The following NCK2 variants were observed in gnomAD, a reference collection of about 807,000 sequenced individuals.
NCK2 encodes the protein NCK adaptor protein 2, also known as cytoplasmic protein NCK2.
In NCK2, 16 loss-of-function variants were observed where a neutral mutation model predicts 33.9. The observed-to-expected ratio is 0.47, with a 90% CI of 0.32 to 0.72. The LOEUF (loss-of-function observed/expected upper bound fraction) is 0.72, where lower values mean the gene tolerates loss of function less well. Ranked by LOEUF, NCK2 falls within the 30% of genes least tolerant of loss-of-function variation. The pLI, the probability that NCK2 is intolerant of heterozygous loss-of-function variation, is 0.03. For missense variants in NCK2, 418 were observed against 537.3 expected (o/e 0.78, Z 2.19); for synonymous variants, 273 against 239.9 (o/e 1.14, Z -1.27).
intron 4 of NCK2, among the ~76,000 whole-genome samples, chr2:105,883,470 T>C (rs1649329133): frequency 6.6e-6 from 1 of 152,224 alleles, no homozygotes; most frequent in Non-Finnish European, 1.5e-5. Context: ...AGGAGACTTC[T>C]CAGAAGGAAG....
At chr2:105,815,926 A>G (rs1219901880) in intron 1 of NCK2, among the ~76,000 whole-genome samples, 2 of 152,064 alleles carry the variant, frequency 1.3e-5, no homozygotes, top group African/African-American at 4.8e-5. Flanking sequence ...TCTGGAAGAG[A>G]CTGGGAGCTC....
intron 2 of NCK2, among the ~76,000 whole-genome samples, chr2:105,826,068 A>G (rs1242200284): frequency 6.6e-6 from 1 of 152,234 alleles, no homozygotes; most frequent in African/African-American, 2.4e-5. Flanking sequence ...ATAAAGAACT[A>G]TGCGAGACTG....
intron 1 of NCK2, among the ~76,000 whole-genome samples, chr2:105,776,045 G>A (rs529819574): frequency 6.6e-6 from 1 of 152,336 alleles, no homozygotes; most frequent in South Asian, 2.1e-4. Context: ...CTTGTATTTT[G>A]GTTTGGCCCA....
At chr2:105,867,591 A>G (rs943887075) in intron 3 of NCK2, among the ~76,000 whole-genome samples, 2 of 152,168 alleles carry the variant, frequency 1.3e-5, no homozygotes, top group African/African-American at 4.8e-5. Context: ...AGACCCTGGG[A>G]AGTGAAGGTG....
chr2:105,861,435 A>G (rs1366478712), intron 3 of NCK2, among the ~76,000 whole-genome samples: 1 of 152,112 alleles, frequency 6.6e-6, no homozygotes, highest in Non-Finnish European at 1.5e-5. Context: ...TGCTGGATCC[A>G]GGAGCCAAGT....
At chr2:105,821,175 CT>C (rs1293625311) in intron 2 of NCK2, among the ~76,000 whole-genome samples, 1 of 152,212 alleles carries the variant, frequency 6.6e-6, no homozygotes, top group Non-Finnish European at 1.5e-5. Context: ...GAAAAGTCAT[CT>C]GGAATTTACT....
At chr2:105,830,801 AT>A (rs879638421) in intron 2 of NCK2, among the ~76,000 whole-genome samples, 15 of 150,166 alleles carry the variant, frequency 1.0e-4, no homozygotes, top group Admixed American at 9.3e-4. Flanking sequence ...GATATTGAGC[AT>A]TTTTTTTGCT....
chr2:105,873,727 G>T lies in NCK2; in HGVS notation c.227-7601G>T, dbSNP rs144388887. 2.1e-3 allele frequency among the ~76,000 whole-genome samples: 321 copies of T among 152,270 alleles called. 1 individual carries two copies. The highest frequency in any genetic ancestry group is 6.7e-3 in the African/African-American group (280 of 41,542). On this transcript the variant is annotated intron_variant, in intron 3 of 4. Coordinates refer to ENST00000233154, the MANE Select transcript of NCK2 (RefSeq NM_003581.5). ...CAAAAGTAACTGAAGGGGAAAAAAA[G>T]AAAACGAAAAGTTGGCTCAGATGAT...
At chr2:105,841,005 G>C (rs149159879) in intron 2 of NCK2, among the ~76,000 whole-genome samples, 1 of 152,332 alleles carries the variant, frequency 6.6e-6, no homozygotes, top group Non-Finnish European at 1.5e-5. Context: ...CTTTAGGTCA[G>C]TAATTGAGGT....
intron 1 of NCK2, among the ~76,000 whole-genome samples, chr2:105,785,703 C>T (rs888771765): frequency 1.3e-5 from 2 of 152,112 alleles, no homozygotes; most frequent in South Asian, 2.1e-4. Context: ...GCAGCCCTGC[C>T]GAGGTTAAGT....
chr2:105,844,579 A>C (rs4438504), intron 2 of NCK2, among the ~76,000 whole-genome samples: 42,613 of 147,940 alleles, frequency 0.29, 6,750 homozygotes, highest in South Asian at 0.4. Context: ...AAAAACAAAA[A>C]AAAAAAAAAA....
chr2:105,891,047 A>G (rs1431360557), intron 4 of NCK2, among the ~76,000 whole-genome samples: 2 of 152,226 alleles, frequency 1.3e-5, no homozygotes, highest in African/African-American at 4.8e-5. Flanking sequence ...TGTCCGAGGT[A>G]CCAGCCCTGC....
At chr2:105,887,392 G>A (rs1678761722) in intron 4 of NCK2, among the ~76,000 whole-genome samples, 1 of 152,168 alleles carries the variant, frequency 6.6e-6, no homozygotes, top group African/African-American at 2.4e-5. Context: ...AACCAACAGG[G>A]TGACCTCTCT....
chr2:105,814,533 TC>T (rs1355789919), intron 1 of NCK2, among the ~76,000 whole-genome samples: 5 of 152,200 alleles, frequency 3.3e-5, no homozygotes, highest in African/African-American at 1.2e-4. Flanking sequence ...AGCTCATTGT[TC>T]TTTTGCGGGG....
chr2:105,824,678 C>T (rs72825182), intron 2 of NCK2, among the ~76,000 whole-genome samples: 318 of 152,274 alleles, frequency 2.1e-3, no homozygotes, highest in Non-Finnish European at 3.5e-3. Flanking sequence ...GGGGCGTGCT[C>T]ATGTGTGGGT....
rs565227175 is a variant in NCK2, at chr2:105,750,680, AAG to A, written c.-201+5550_-201+5551del. 2.5e-3 allele frequency among the ~76,000 whole-genome samples: 381 copies of A among 152,358 alleles called. 1 individual carries two copies. The highest frequency in any genetic ancestry group is 8.3e-3 in the African/African-American group (346 of 41,582). On this transcript the variant is annotated intron_variant, in intron 1 of 4. Coordinates refer to ENST00000233154, the MANE Select transcript of NCK2 (RefSeq NM_003581.5). ...GGAAAGGTTTTAAGTAGAGTGATTG[AAG>A]AGAGAGAAAAATCTTGACTTGATTT...
intron 1 of NCK2, among the ~76,000 whole-genome samples, chr2:105,766,868 GC>G (rs1689965689): frequency 1.3e-5 from 2 of 152,186 alleles, no homozygotes; most frequent in African/African-American, 4.8e-5. Flanking sequence ...TAATATTTAA[GC>G]CATCAAATTA....
chr2:105,881,143 G>C (rs1025881896), intron 3 of NCK2, among the ~76,000 whole-genome samples, 185 bp from the exon 4 acceptor site: 9 of 152,016 alleles, frequency 5.9e-5, no homozygotes, highest in African/African-American at 1.9e-4. Flanking sequence ...AAGTAACTTC[G>C]CAACTACAGG....
intron 2 of NCK2, among the ~76,000 whole-genome samples, chr2:105,822,817 A>T (rs1286033348): frequency 3.9e-5 from 6 of 152,160 alleles, no homozygotes; most frequent in African/African-American, 1.4e-4. Flanking sequence ...ATGCCAGGTG[A>T]TATGGATAGT....
Sources: allele counts gnomAD v4.1 joint callset (sites outside exome capture counted in the v4.1 genomes callset), GRCh38; gene constraint gnomAD v4.1.1; transcripts MANE v1.5; gene names NCBI Gene and HGNC (gene_info 2026-07-23, HGNC 2026-07-21).